ST3GAL3: variants seen among roughly 807,000 people sequenced by gnomAD.
ST3GAL3 encodes ST3 beta-galactoside alpha-2,3-sialyltransferase 3.
ST3GAL3 carries 21 observed loss-of-function variants against 50.1 expected under a neutral mutation model. That is an observed-to-expected ratio of 0.42 (90% confidence interval 0.30 to 0.60). The LOEUF is 0.60. ST3GAL3 is among the 20% of genes least tolerant of loss of function. ST3GAL3 has a pLI of 0.19. For missense variants in ST3GAL3, 353 were observed against 489.4 expected (o/e 0.72, Z 2.63); for synonymous variants, 183 against 190.0 (o/e 0.96, Z 0.30).
chr1:43,784,556 C>G (rs1273778613), intron 2 of ST3GAL3, among the ~76,000 whole-genome samples: 1 of 152,150 alleles, frequency 6.6e-6, no homozygotes, highest in East Asian at 1.9e-4. Flanking sequence ...AGCAACTTCT[C>G]TAGAGACTTG....
chr1:43,736,365 T>C lies in ST3GAL3; in HGVS notation c.103T>C (p.Trp35Arg). ...YSAWKLHLLQ[W>R]EEDSNSVVLS... is the part of the protein sequence containing the mutation. ...TGCGTGGAAGCTACACTTACTCCAG[T>C]GGGAGGAGGACTCCAGTAAGTATAG... Residue 35 changes from tryptophan to arginine, a missense_variant, in exon 2 of 12, where the codon TGG becomes CGG. Physicochemically the swap from Trp to Arg is moderately radical, Grantham distance 101. Transcript: ENST00000347631. The C allele has an allele frequency of 6.2e-7, 1 of 1,614,166 alleles. No homozygotes were observed. Among genetic ancestry groups the C allele is most frequent in the Non-Finnish European group, 8.5e-7 (1 of 1,180,030 alleles).
chr1:43,708,781 A>G (rs967496012), intron 1 of ST3GAL3, among the ~76,000 whole-genome samples: 3 of 152,224 alleles, frequency 2.0e-5, no homozygotes, highest in Non-Finnish European at 2.9e-5. Flanking sequence ...ATGGTTTAAT[A>G]AAAATAAAAT....
Position 43,899,748 on chromosome 1 carries a change from C to T in ST3GAL3, c.744+21C>T, listed in dbSNP as rs1464126438. 1.2e-6 allele frequency: 2 copies of T among 1,610,648 alleles called. No individual in the cohort carries two copies. Among genetic ancestry groups the T allele is most frequent in the East Asian group, 2.2e-5 (1 of 44,874 alleles). On this transcript the variant is annotated intron_variant, in intron 9 of 11. Coordinates refer to ENST00000347631, the MANE Select transcript of ST3GAL3 (RefSeq NM_006279.5). This position sits in a 1 kb window ranked among gnomAD's most constrained non-coding sequence, Gnocchi z 5.4. ...GAGTGGTAAGCTCTCCTGGCACCAG[C>T]TTCTTCCCCTCTTGCCCTGGGCTTC...
At chr1:43,758,005 TAAAC>T (rs34264939) in intron 2 of ST3GAL3, among the ~76,000 whole-genome samples, 52,667 of 151,606 alleles carry the variant, frequency 0.35, 9,858 homozygotes, top group African/African-American at 0.5. Context: ...CAGCTAAAAA[TAAAC>T]AAAGATATGT....
At chr1:43,862,312 T>G (rs1411701162) in intron 5 of ST3GAL3, among the ~76,000 whole-genome samples, 1 of 152,220 alleles carries the variant, frequency 6.6e-6, no homozygotes, top group African/African-American at 2.4e-5. Flanking sequence ...CAGCTCTGTG[T>G]GCACCTCTAT....
intron 9 of ST3GAL3, among the ~76,000 whole-genome samples, chr1:43,902,698 A>G (rs1286573708): frequency 6.6e-6 from 1 of 152,196 alleles, no homozygotes; most frequent in African/African-American, 2.4e-5. Flanking sequence ...CAAGCACAGC[A>G]CGGAAGCTGA....
At chr1:43,916,121 C>T (rs1159568306) in intron 9 of ST3GAL3, among the ~76,000 whole-genome samples, 1 of 152,120 alleles carries the variant, frequency 6.6e-6, no homozygotes, top group Non-Finnish European at 1.5e-5. Flanking sequence ...ACAGGCAGCC[C>T]ATCGTAGGCA....
intron 1 of ST3GAL3, among the ~76,000 whole-genome samples, chr1:43,711,689 G>A (rs561719286): frequency 1.3e-5 from 2 of 152,348 alleles, no homozygotes; most frequent in Admixed American, 1.3e-4. Flanking sequence ...GGCCAAGGGT[G>A]TTGATACAAG....
At chr1:43,753,740 T>C (rs1376103564) in intron 2 of ST3GAL3, among the ~76,000 whole-genome samples, 1 of 152,238 alleles carries the variant, frequency 6.6e-6, no homozygotes, top group East Asian at 1.9e-4. Flanking sequence ...TGAGCTGCTC[T>C]TTCTGAAGGG....
chr1:43,730,032 G>A (rs897366768), intron 1 of ST3GAL3, among the ~76,000 whole-genome samples: 1 of 152,176 alleles, frequency 6.6e-6, no homozygotes, highest in African/African-American at 2.4e-5. Context: ...ATCTCTCACA[G>A]GATCTCGGGA....
chr1:43,830,004 T>C (rs2063323535), intron 4 of ST3GAL3, among the ~76,000 whole-genome samples: 2 of 79,880 alleles, frequency 2.5e-5, no homozygotes, highest in South Asian at 4.4e-4. Context: ...CCTTTTTTTT[T>C]TTTTTTTTTT....
intron 5 of ST3GAL3, among the ~76,000 whole-genome samples, chr1:43,861,680 G>T (rs3791089): frequency 0.21 from 31,188 of 152,078 alleles, 4,156 homozygotes; most frequent in African/African-American, 0.36. Context: ...ATGCCTTTGT[G>T]CTGTGCCTGC....
chr1:43,736,379 C>T lies in ST3GAL3; in HGVS notation c.117C>T (p.Ser39=). The change falls in exon 2 of 12, where the codon TCC becomes TCT. Residue 39 remains serine, a splice_region_variant and synonymous_variant. Coordinates refer to ENST00000347631, the MANE Select transcript of ST3GAL3 (RefSeq NM_006279.5). ...ACTTACTCCAGTGGGAGGAGGACTC[C>T]AGTAAGTATAGTCACTCTAGCTCAC... is the stretch of plus-strand genomic sequence containing the variant. ...KLHLLQWEED[S]NSVVLSFDSA... 6.2e-7 allele frequency: 1 copy of T among 1,614,166 alleles called. No homozygotes were observed. The highest frequency in any genetic ancestry group is 1.1e-5 in the South Asian group (1 of 91,086).
chr1:43,833,744 G>C (rs1573890960), intron 4 of ST3GAL3, among the ~76,000 whole-genome samples: 1 of 152,160 alleles, frequency 6.6e-6, no homozygotes, highest in Non-Finnish European at 1.5e-5. Flanking sequence ...GGGGGAACAA[G>C]TGAGCAAGTG....
chr1:43,838,572 G>A, intron 5 of ST3GAL3: 1 of 432,820 alleles, frequency 2.3e-6, no homozygotes. Flanking sequence ...GTTGCCGCAT[G>A]CAAGCCAGGT....
At chr1:43,831,197 T>A (rs1235725787) in intron 4 of ST3GAL3, among the ~76,000 whole-genome samples, 1 of 152,196 alleles carries the variant, frequency 6.6e-6, no homozygotes, top group Non-Finnish European at 1.5e-5. Context: ...TCATAGAAAG[T>A]AGGGGCTTTG....
chr1:43,801,386 C>G (rs148541575), intron 3 of ST3GAL3: 7 of 456,052 alleles, frequency 1.5e-5, no homozygotes, highest in African/African-American at 1.4e-4. Context: ...TCATCATGTA[C>G]AACCGTATTC....
chr1:43,918,938 G>A (rs2154293835), intron 9 of ST3GAL3, among the ~76,000 whole-genome samples: 1 of 151,604 alleles, frequency 6.6e-6, no homozygotes, highest in African/African-American at 2.4e-5. Context: ...TGACTTTTTT[G>A]TTACGATTGC....
chr1:43,844,847 A>C (rs910877788), intron 5 of ST3GAL3, among the ~76,000 whole-genome samples: 1 of 151,692 alleles, frequency 6.6e-6, no homozygotes, highest in African/African-American at 2.4e-5. Flanking sequence ...AAAAGACTAG[A>C]TATTAGAACA....
Sources: gnomAD v4.1 joint callset for allele counts (sites outside exome capture counted in the v4.1 genomes callset) on GRCh38, gnomAD v4.1.1 for gene constraint, Gnocchi (gnomAD v3.1) non-coding constraint, MANE v1.5 for transcripts, NCBI Gene and HGNC (gene_info 2026-07-23, HGNC 2026-07-21) for gene names.